The following SMTNL1 variants were observed in gnomAD, a reference collection of about 807,000 sequenced individuals.
SMTNL1 encodes the protein smoothelin like 1, also known as smoothelin-like protein 1.
SMTNL1 carries 41 observed loss-of-function variants against 46.6 expected under a neutral mutation model. That is an observed-to-expected ratio of 0.88 (90% confidence interval 0.69 to 1.14). The LOEUF is 1.14. SMTNL1 is among the 50% of genes most tolerant of loss of function. The pLI is 0.00. For synonymous variants in SMTNL1, 234 were observed against 234.2 expected, an observed-to-expected ratio of 1.00 and a Z score of 0.01; for missense variants, 591 against 626.1, an observed-to-expected ratio of 0.94 and a Z score of 0.60.
intron 1 of SMTNL1, among the ~76,000 whole-genome samples, chr11:57,540,928 C>T (rs1944870481): frequency 6.6e-6 from 1 of 152,168 alleles, no homozygotes; most frequent in Non-Finnish European, 1.5e-5. Context: ...CCAGGCTGGT[C>T]TTGAACTCCT....
intron 2 of SMTNL1, 62 bp downstream of exon 2, chr11:57,543,436 C>CCT (rs1334962583): frequency 1.3e-6 from 2 of 1,571,228 alleles, no homozygotes; most frequent in African/African-American, 2.7e-5. Flanking sequence ...AAGCAAGCCC[C>CCT]CTCTGCTTCA....
At chr11:57,540,218 G>A (rs1944862091) in intron 1 of SMTNL1, among the ~76,000 whole-genome samples, 1 of 152,152 alleles carries the variant, frequency 6.6e-6, no homozygotes, top group Non-Finnish European at 1.5e-5. Flanking sequence ...CTATTTAAAT[G>A]CTAATGAAGT....
At chr11:57,538,423 G>A (rs2135259234) in intron 1 of SMTNL1, among the ~76,000 whole-genome samples, 1 of 152,346 alleles carries the variant, frequency 6.6e-6, no homozygotes, top group Non-Finnish European at 1.5e-5. Flanking sequence ...ATGGTTTGGA[G>A]ACTTCCTGGG....
Position 57,549,998 on chromosome 11 carries a change from C to T in SMTNL1, c.1371C>T (p.Asp457=), listed in dbSNP as rs779938689. ...TGGCTGACTGTGCTCAGCTGCTGGACGTGGATGACATGGTGCGGTTGGCTG... is the reference window on the plus strand; with the variant it reads ...TGGCTGACTGTGCTCAGCTGCTGGATGTGGATGACATGGTGCGGTTGGCTG... ...EKLADCAQLL[D]VDDMVRLAVP... is the part of the protein sequence containing the mutation. The change falls in exon 8 of 8, where the codon GAC becomes GAT. Residue 457 remains aspartate, a synonymous_variant. Coordinates refer to ENST00000527972, the MANE Select transcript of SMTNL1 (RefSeq NM_001105565.3). 2.4e-5 allele frequency: 38 copies of T among 1,613,860 alleles called. No homozygotes were observed. The African/African-American group carries it at 3.2e-4, about 14-fold the overall frequency.
intron 1 of SMTNL1, among the ~76,000 whole-genome samples, 131 bp downstream of exon 1, chr11:57,537,773 T>C (rs1463960789): frequency 6.6e-6 from 1 of 152,140 alleles, no homozygotes; most frequent in African/African-American, 2.4e-5. Flanking sequence ...TCTAATTCTC[T>C]CCACCACAAT....
chr11:57,538,563 A>T (rs1324688401), intron 1 of SMTNL1, among the ~76,000 whole-genome samples: 1 of 152,212 alleles, frequency 6.6e-6, no homozygotes, highest in Non-Finnish European at 1.5e-5. Flanking sequence ...GCCCTTCCCA[A>T]CTGGTGGGGT....
At chr11:57,543,458 A>C (rs1944898314) in intron 2 of SMTNL1, 84 bp downstream of exon 2, 3 of 1,545,834 alleles carry the variant, frequency 1.9e-6, no homozygotes, top group Non-Finnish European at 2.6e-6. Context: ...TCAGTTGGGA[A>C]AGTCCAGTTT....
chr11:57,543,536 G>T lies in SMTNL1; in HGVS notation c.733-88G>T, dbSNP rs1944899047. On this transcript the variant is annotated intron_variant, in intron 2 of 7. Transcript: ENST00000527972. ...CAAGGAGTGCAGCACCGTAGTCCCAGGCTGCCTTTCAGAACTTTCTGAAGT... is the reference window on the plus strand; with the variant it reads ...CAAGGAGTGCAGCACCGTAGTCCCATGCTGCCTTTCAGAACTTTCTGAAGT... The T allele has an allele frequency of 2.6e-6, 4 of 1,538,222 alleles. No homozygotes were observed. In the East Asian group the frequency reaches 9.5e-5, roughly 36 times the overall value.
chr11:57,542,109 AAAAAACAC>A (rs1243149672), intron 1 of SMTNL1, among the ~76,000 whole-genome samples: 85 of 60,490 alleles, frequency 1.4e-3, no homozygotes, highest in South Asian at 3.3e-3. Context: ...CTCTACAAAA[AAAAAACAC>A]ACACACACAC....
chr11:57,545,899 C>T lies in SMTNL1; in HGVS notation c.936C>T (p.Asp312=), dbSNP rs533970990. 1.4e-5 allele frequency: 23 copies of T among 1,613,336 alleles called. No individual in the cohort carries two copies. Among genetic ancestry groups the T allele is most frequent in the South Asian group, 2.2e-5 (2 of 90,980 alleles). Residue 312 remains aspartate, a synonymous_variant, in exon 5 of 8, where the codon GAC becomes GAT. Coordinates refer to ENST00000527972, the MANE Select transcript of SMTNL1 (RefSeq NM_001105565.3). ...SPSASESSPS[D]VPQSPPESPS... ...CATATAGTGAGTCTTCACCCAGCGA[C>T]GTGCCCCAGAGTCCCCCTGAGTCCC...
Position 57,543,410 on chromosome 11 carries a change from C to T in SMTNL1, c.732+36C>T, listed in dbSNP as rs1415376356. 6 of 1,591,608 alleles carry T rather than the reference C, an allele frequency of 3.8e-6. No homozygotes were observed. The East Asian group carries it at 1.3e-4, about 36-fold the overall frequency. Reference sequence around the variant, plus strand: ...CAGGAAAGGAGCAAGGAGGCTCTGTCGTCTCCTGCTTCTGGAAGCAAGCCC... The same window carrying T: ...CAGGAAAGGAGCAAGGAGGCTCTGTTGTCTCCTGCTTCTGGAAGCAAGCCC... On this transcript the variant is annotated intron_variant, in intron 2 of 7. Coordinates refer to ENST00000527972, the MANE Select transcript of SMTNL1 (RefSeq NM_001105565.3).
intron 4 of SMTNL1, among the ~76,000 whole-genome samples, chr11:57,545,238 C>T (rs1944912380): frequency 6.6e-6 from 1 of 152,162 alleles, no homozygotes; most frequent in African/African-American, 2.4e-5. Flanking sequence ...GGTAGGTATT[C>T]TTGTCCTCAT....
chr11:57,548,970 G>A (rs890790812), intron 7 of SMTNL1, among the ~76,000 whole-genome samples: 1 of 151,946 alleles, frequency 6.6e-6, no homozygotes, highest in Non-Finnish European at 1.5e-5. Flanking sequence ...TGGAGATGCT[G>A]CAGCTGCAAG....
chr11:57,540,137 G>C (rs1325629185), intron 1 of SMTNL1, among the ~76,000 whole-genome samples: 1 of 152,118 alleles, frequency 6.6e-6, no homozygotes, highest in East Asian at 1.9e-4. Context: ...TGGTCAAATA[G>C]GTTTGGAAAA....
At position 57,543,627 on chromosome 11, in the gene SMTNL1, C is replaced by T; in HGVS notation, c.736C>T (p.Pro246Ser). Residue 246 changes from proline (P) to serine (S), a missense_variant, in exon 3 of 8, where the codon CCA becomes TCA. Physicochemically the swap from Pro to Ser is moderately conservative, Grantham distance 74. Transcript: ENST00000527972. ...ACGCAGATCATGCTCATTCCAGGAG[C>T]CAGGCAGTCCCAGCGAAGAGCAGGA... ...EEAEDAEEAE[P>S]GSPSEEQEQD... 1 of 1,607,196 alleles carries T rather than the reference C, an allele frequency of 6.2e-7. No individual in the cohort carries two copies. The highest frequency in any genetic ancestry group is 8.5e-7 in the Non-Finnish European group (1 of 1,177,306).
At position 57,543,059 on chromosome 11, in the gene SMTNL1, TGAG is replaced by T. The variant is rs1944892426; in HGVS notation, c.421_423del (p.Glu141del). ...CGCTGGCCTCTGAGAAGCAGAAGGC[TGAG>T]GAGAAAGAGGCCAAACCTGAATCTG... On this transcript the variant is annotated inframe_deletion, in exon 2 of 8. Transcript: ENST00000527972. 6.2e-7 allele frequency: 1 copy of T among 1,608,280 alleles called. No individual in the cohort carries two copies. Among genetic ancestry groups the T allele is most frequent in the South Asian group, 1.1e-5 (1 of 90,140 alleles).
At position 57,549,876 on chromosome 11, in the gene SMTNL1, C is replaced by T. The variant is rs1944945008; in HGVS notation, c.1341-92C>T. ...CCAACATCCCAGCCCATCCTATGGGCTTCGTCATTGCTGGGCTGCCTGCAC... is the reference window on the plus strand; with the variant it reads ...CCAACATCCCAGCCCATCCTATGGGTTTCGTCATTGCTGGGCTGCCTGCAC... On this transcript the variant is annotated intron_variant, in intron 7 of 7. Coordinates refer to ENST00000527972, the MANE Select transcript of SMTNL1 (RefSeq NM_001105565.3). The T allele has an allele frequency of 6.4e-6, 9 of 1,408,862 alleles. No individual in the cohort carries two copies. In the East Asian group the frequency reaches 1.8e-4, roughly 29 times the overall value. The allele number at this position is 1,408,862 out of a possible 1,614,324, so 87.3% of individuals were successfully genotyped here.
At chr11:57,538,210 T>G (rs935453621) in intron 1 of SMTNL1, among the ~76,000 whole-genome samples, 8 of 151,694 alleles carry the variant, frequency 5.3e-5, no homozygotes, top group African/African-American at 1.9e-4. Flanking sequence ...CCTGGCTGAG[T>G]GGGGAAGGTG....
intron 1 of SMTNL1, chr11:57,541,507 T>A (rs776337006): frequency 6.6e-6 from 9 of 1,367,380 alleles, no homozygotes; most frequent in Non-Finnish European, 8.8e-6. Flanking sequence ...TCTACCCCCA[T>A]GCTCCCGGGG....
Sources: allele counts gnomAD v4.1 joint callset (sites outside exome capture counted in the v4.1 genomes callset), GRCh38; gene constraint gnomAD v4.1.1; transcripts MANE v1.5; gene names NCBI Gene and HGNC (gene_info 2026-07-23, HGNC 2026-07-21).